Variants in BDNF observed in about 807,000 individuals in gnomAD.
BDNF encodes neurotrophic factor BDNF precursor form.
A neutral mutation model predicts 19.5 loss-of-function variants in BDNF; 1 was observed. That is an observed-to-expected ratio of 0.05 (90% confidence interval 0.02 to 0.24). The LOEUF is 0.24. Among genes scored for constraint, BDNF ranks in the 10% least tolerant of loss-of-function variants. The pLI is 1.00. For missense variants in BDNF, 195 were observed against 317.6 expected (o/e 0.61, Z 2.93); for synonymous variants, 100 against 121.6 (o/e 0.82, Z 1.17).
chr11:27,720,876 C>G, intron 1 of BDNF: 2 of 672,320 alleles, frequency 3.0e-6, no homozygotes, highest in South Asian at 1.3e-4. Flanking sequence ...TTGATGAGAA[C>G]CTTTTCTTCT....
intron 1 of BDNF, among the ~76,000 whole-genome samples, chr11:27,689,618 T>G (rs2134009983): frequency 6.6e-6 from 1 of 152,320 alleles, no homozygotes; most frequent in African/African-American, 2.4e-5. Flanking sequence ...ACAGTGAAGG[T>G]TCTCCTAGGT....
chr11:27,697,158 C>CAGAGAGAGAG (rs1198756508), intron 1 of BDNF, among the ~76,000 whole-genome samples: 3,728 of 113,204 alleles, frequency 0.033, 75 homozygotes, highest in Non-Finnish European at 0.057. Flanking sequence ...CACACACACA[C>CAGAGAGAGAG]ACACACAGAG....
intron 1 of BDNF, chr11:27,719,546 C>T (rs1255236662): frequency 1.0e-6 from 1 of 984,992 alleles, no homozygotes; most frequent in African/African-American, 1.7e-5. Context: ...GGCTGGGGAG[C>T]GGAGCGCGGT....
intron 1 of BDNF, among the ~76,000 whole-genome samples, chr11:27,669,708 G>A (rs953615849): frequency 3.9e-5 from 6 of 152,028 alleles, no homozygotes; most frequent in African/African-American, 9.7e-5. Flanking sequence ...AAGGGATGTG[G>A]AAGACCTCTT....
Position 27,658,326 on chromosome 11 carries a change from T to A in BDNF, c.239A>T (p.Asn80Ile), listed in dbSNP as rs370382246. Residue 80 changes from asparagine to isoleucine, a missense_variant, in exon 2 of 2, where the codon AAT becomes ATT. Around this residue, in one of 2 missense-constraint regions of BDNF, gnomAD observed 124 missense variants for 155.0 expected, o/e 0.80. Transcript: ENST00000356660. This position sits in a 1 kb window ranked among gnomAD's most constrained non-coding sequence, Gnocchi z 5.7. Reference protein sequence around the residue: ...LLDEDQKVRPNEENNKDADLY... With the variant: ...LLDEDQKVRPIEENNKDADLY... ...GTCTGCGTCCTTATTGTTTTCTTCATTGGGCCGAACTTTCTGGTCCTCATC... is the reference window on the plus strand; with the variant it reads ...GTCTGCGTCCTTATTGTTTTCTTCAATGGGCCGAACTTTCTGGTCCTCATC... 1.2e-6 allele frequency: 2 copies of A among 1,614,064 alleles called. No homozygotes were observed. The highest frequency in any genetic ancestry group is 2.2e-5 in the East Asian group (1 of 44,894).
At chr11:27,670,189 G>A (rs1590289583) in intron 1 of BDNF, among the ~76,000 whole-genome samples, 1 of 152,152 alleles carries the variant, frequency 6.6e-6, no homozygotes, top group Admixed American at 6.5e-5. Context: ...ATGGTGCTGG[G>A]AAAACTGGCT....
chr11:27,704,216 T>C (rs899618362), upstream of BDNF, among the ~76,000 whole-genome samples: 1 of 152,210 alleles, frequency 6.6e-6, no homozygotes, highest in Non-Finnish European at 1.5e-5. Context: ...GAAAAAATAA[T>C]GCTACCTATT....
chr11:27,705,705 A>G (rs1467863512), intron 1 of BDNF, among the ~76,000 whole-genome samples: 1 of 152,196 alleles, frequency 6.6e-6, no homozygotes, highest in African/African-American at 2.4e-5. Flanking sequence ...CATGGTTGTG[A>G]AGAATGGGTT....
upstream of BDNF, among the ~76,000 whole-genome samples, chr11:27,704,382 T>C (rs1860029454): frequency 6.6e-6 from 1 of 152,194 alleles, no homozygotes; most frequent in Non-Finnish European, 1.5e-5. Context: ...AAATATAAAC[T>C]AATCCTCATT....
chr11:27,707,231 T>G (rs1257693459), intron 1 of BDNF, among the ~76,000 whole-genome samples: 1 of 152,244 alleles, frequency 6.6e-6, no homozygotes, highest in East Asian at 1.9e-4. Context: ...AAGAGAATTA[T>G]GCTAACCTAC....
chr11:27,710,025 A>G (rs1860263717), intron 1 of BDNF, among the ~76,000 whole-genome samples: 1 of 152,218 alleles, frequency 6.6e-6, no homozygotes, highest in Non-Finnish European at 1.5e-5. Flanking sequence ...TTACTTAGTT[A>G]TCTCTGACAA....
intron 1 of BDNF, among the ~76,000 whole-genome samples, chr11:27,718,534 C>T (rs1860616171): frequency 6.7e-6 from 1 of 148,302 alleles, no homozygotes; most frequent in African/African-American, 2.5e-5. Flanking sequence ...ATCCCCCCGC[C>T]CCCAAGCTCA....
rs1256379796 is a variant in BDNF at position 27,656,149 on chromosome 11, C to T, written c.*1672G>A. On this transcript the variant is annotated 3_prime_UTR_variant, in exon 2 of 2. Coordinates refer to ENST00000356660, the MANE Select transcript of BDNF (RefSeq NM_001709.5). ...TGAGTTTGGGGTTTCTTTTCCTGTT[C>T]CCTTTTCCCTTACCAAAAGTTCTCA... 6.6e-6 allele frequency: 1 copy of T among 152,174 alleles called. No homozygotes were observed. The highest frequency in any genetic ancestry group is 1.5e-5 in the Non-Finnish European group (1 of 68,032). 9.4% of individuals were successfully genotyped at this position (152,174 alleles called of 1,614,324 possible).
At chr11:27,706,827 T>G (rs148312272) in intron 1 of BDNF, among the ~76,000 whole-genome samples, 1 of 152,212 alleles carries the variant, frequency 6.6e-6, no homozygotes, top group Non-Finnish European at 1.5e-5. Flanking sequence ...AAGTAGTGGT[T>G]GTTTAATAAA....
At chr11:27,679,859 T>C (rs892450399) in intron 1 of BDNF, among the ~76,000 whole-genome samples, 2 of 152,242 alleles carry the variant, frequency 1.3e-5, no homozygotes, top group African/African-American at 4.8e-5. Context: ...GCTGTGTTTC[T>C]GTCATTCCCT....
chr11:27,699,755 G>A lies in BDNF; in HGVS notation c.-22+409C>T. On this transcript the variant is annotated intron_variant, in intron 1 of 1. Transcript: ENST00000356660. ...CGGCGCGGGGACCACCCACCCCCTG[G>A]AAGGATTCCTAGCCTAGCCCCAGCA... 1.6e-6 allele frequency: 2 copies of A among 1,285,068 alleles called. 1 individual carries two copies. The highest frequency in any genetic ancestry group is 3.3e-5 in the South Asian group (2 of 59,730). The allele number at this position is 1,285,068 out of a possible 1,614,324, so 79.6% of individuals were successfully genotyped here. A position where few individuals can be genotyped will look rare whatever the true frequency, so the allele number is the denominator to read the frequency against.
chr11:27,711,419 A>T (rs962843180), intron 1 of BDNF, among the ~76,000 whole-genome samples: 1 of 152,224 alleles, frequency 6.6e-6, no homozygotes, highest in African/African-American at 2.4e-5. Context: ...ATCGGTTAGC[A>T]AAGATCAAAA....
chr11:27,674,812 A>G (rs749832004), intron 1 of BDNF: 18 of 946,834 alleles, frequency 1.9e-5, no homozygotes, highest in Non-Finnish European at 2.1e-5. Context: ...CCATTTTTAC[A>G]TAGTTGCTAT....
At chr11:27,662,241 C>T (rs1476249898) in intron 1 of BDNF, among the ~76,000 whole-genome samples, 9 of 152,068 alleles carry the variant, frequency 5.9e-5, no homozygotes, top group South Asian at 2.1e-4. Context: ...AATTGTTAAC[C>T]GTATTTGCTC....
Sources: allele counts gnomAD v4.1 joint callset (sites outside exome capture counted in the v4.1 genomes callset), GRCh38; gene constraint gnomAD v4.1.1; regional missense constraint gnomAD v4.1.1; non-coding constraint Gnocchi (gnomAD v3.1); transcripts MANE v1.5; gene names NCBI Gene and HGNC (gene_info 2026-07-23, HGNC 2026-07-21).